PCDHGA12: variants seen among roughly 807,000 people sequenced by gnomAD.
The protein encoded by PCDHGA12 is protocadherin gamma subfamily A, 12, also known as protocadherin gamma-A12.
PCDHGA12 carries 43 observed loss-of-function variants against 61.1 expected under a neutral mutation model. The observed-to-expected ratio is 0.70, with a 90% confidence interval of 0.55 to 0.91. The LOEUF (loss-of-function observed/expected upper bound fraction) is 0.91. Among genes scored for constraint, PCDHGA12 ranks in the 40% least tolerant of loss-of-function variants. PCDHGA12 has a pLI of 0.00. For synonymous variants in PCDHGA12, 520 were observed against 542.9 expected, an observed-to-expected ratio of 0.96 and a Z score of 0.59; for missense variants, 1,236 against 1,227.7, an observed-to-expected ratio of 1.01 and a Z score of -0.10.
intron 1 of PCDHGA12, 100 bp from the exon 2 acceptor site, chr5:141,494,707 G>A: frequency 2.5e-6 from 4 of 1,599,238 alleles, no homozygotes; most frequent in Non-Finnish European, 3.4e-6. Context: ...TCTTCTCTGT[G>A]CCCACTCCCC....
In PCDHGA12 at chr5:141,432,091, C is replaced by A. The variant is rs370491149; in HGVS notation, c.1332C>A (p.Asp444Glu). ...CTCATATCTCGCTGAACGTGGCAGA[C>A]ACCAACGACAACCCGCCGGTCTTCC... ...TETHISLNVADTNDNPPVFPQ... is the reference protein window; with the variant it reads ...TETHISLNVAETNDNPPVFPQ... The change falls in exon 1 of 4, where the codon GAC becomes GAA. Residue 444 changes from aspartate (D) to glutamate (E), a missense_variant. Asp to Glu is a conservative substitution (Grantham distance 45). Coordinates refer to ENST00000252085, the MANE Select transcript of PCDHGA12 (RefSeq NM_003735.3). This position sits in a 1 kb window ranked among gnomAD's most constrained non-coding sequence, Gnocchi z 6.0. 6.2e-7 allele frequency: 1 copy of A among 1,614,056 alleles called. No individual in the cohort carries two copies. Among genetic ancestry groups the A allele is most frequent in the African/African-American group, 1.3e-5 (1 of 74,908 alleles).
chr5:141,464,911 T>G (rs2099093002), intron 1 of PCDHGA12, among the ~76,000 whole-genome samples: 1 of 151,718 alleles, frequency 6.6e-6, no homozygotes, highest in Non-Finnish European at 1.5e-5. Context: ...GCTAATTTTT[T>G]TATTTTTTTG....
At position 141,489,632 on chromosome 5, in the gene PCDHGA12, C is replaced by T; in HGVS notation, c.2425-5175C>T. 6.2e-7 allele frequency: 1 copy of T among 1,614,138 alleles called. No homozygotes were observed. Among genetic ancestry groups the T allele is most frequent in the Non-Finnish European group, 8.5e-7 (1 of 1,180,010 alleles). Reference sequence around the variant, plus strand: ...ATCCTGGATCTCAATGACAACTCTCCTAGCTTTGCCACCCCTGAGCGAGAG... The same window carrying T: ...ATCCTGGATCTCAATGACAACTCTCTTAGCTTTGCCACCCCTGAGCGAGAG... On this transcript the variant is annotated intron_variant, in intron 1 of 3. Transcript: ENST00000252085. The surrounding 1 kb of genome is among the most constrained non-coding windows in gnomAD (Gnocchi z 4.5).
At chr5:141,500,370 G>C (rs766183384) in intron 2 of PCDHGA12, among the ~76,000 whole-genome samples, 1 of 151,644 alleles carries the variant, frequency 6.6e-6, no homozygotes, top group Non-Finnish European at 1.5e-5. Flanking sequence ...TACCACGCCC[G>C]GCTAATTATT....
At chr5:141,508,718 G>T (rs2099871076) in intron 3 of PCDHGA12, among the ~76,000 whole-genome samples, 1 of 151,852 alleles carries the variant, frequency 6.6e-6, no homozygotes, top group Non-Finnish European at 1.5e-5. Flanking sequence ...TTTTCTGTGT[G>T]CAGGGAGACT....
At position 141,493,093 on chromosome 5, in the gene PCDHGA12, A is replaced by G. The variant is rs78102761; in HGVS notation, c.2425-1714A>G. On this transcript the variant is annotated intron_variant, in intron 1 of 3. Transcript: ENST00000252085. The surrounding 1 kb of genome is among the most constrained non-coding windows in gnomAD (Gnocchi z 4.3). ...CTCCAACTCCAGGAGCTTTTATTCA[A>G]AATATATCAATGCCTAACTCTGCTC... 0.034 allele frequency among the ~76,000 whole-genome samples: 5,198 copies of G among 152,282 alleles called. 159 individuals carry two copies. Among genetic ancestry groups the G allele is most frequent in the African/African-American group, 0.079 (3,275 of 41,546 alleles).
In PCDHGA12 at chr5:141,505,352, C is replaced by T. The variant is rs371829394; in HGVS notation, c.2484-41C>T. 1.5e-5 allele frequency: 25 copies of T among 1,613,302 alleles called. No individual in the cohort carries two copies. In the South Asian group the frequency reaches 2.7e-4, roughly 18 times the overall value. ...AGGACAGGAGGGGCATGAGCTGTGCCGGCCTGGGAGTCTGTGCTCACCATC... is the reference window on the plus strand; with the variant it reads ...AGGACAGGAGGGGCATGAGCTGTGCTGGCCTGGGAGTCTGTGCTCACCATC... On this transcript the variant is annotated intron_variant, in intron 2 of 3. Transcript: ENST00000252085.
chr5:141,511,182 C>A lies in PCDHGA12; in HGVS notation c.*9C>A. ...AGAAGGAGAAGAAGTAACATGGAGG[C>A]CAGGCCAAGAGCCACAGGGCGGCCT... is the stretch of plus-strand genomic sequence containing the variant. On this transcript the variant is annotated 3_prime_UTR_variant, in exon 4 of 4. Transcript: ENST00000252085. 6.2e-7 allele frequency: 1 copy of A among 1,614,022 alleles called. No homozygotes were observed. Among genetic ancestry groups the A allele is most frequent in the Non-Finnish European group, 8.5e-7 (1 of 1,179,946 alleles).
intron 1 of PCDHGA12, among the ~76,000 whole-genome samples, chr5:141,471,046 CTTTT>C (rs1170588345): frequency 5.3e-5 from 6 of 113,264 alleles, no homozygotes; most frequent in Admixed American, 9.3e-5. Context: ...CCCAAGCCCT[CTTTT>C]TTTTTTTTTT....
intron 1 of PCDHGA12, among the ~76,000 whole-genome samples, chr5:141,445,264 G>A (rs566395616): frequency 1.4e-4 from 22 of 152,276 alleles, no homozygotes; most frequent in Admixed American, 1.4e-3. Flanking sequence ...AATATAAGTC[G>A]AAACCACTCT....
intron 1 of PCDHGA12, among the ~76,000 whole-genome samples, chr5:141,465,687 T>C (rs1290838979): frequency 1.3e-5 from 2 of 152,248 alleles, no homozygotes; most frequent in Non-Finnish European, 2.9e-5. Flanking sequence ...TTGACCAGTC[T>C]GCTTTTGCAT....
Position 141,511,208 on chromosome 5 carries a change from C to T in PCDHGA12, c.*35C>T, listed in dbSNP as rs1278180818. 27 of 1,610,922 alleles carry T rather than the reference C, an allele frequency of 1.7e-5. No individual in the cohort carries two copies. Among genetic ancestry groups the T allele is most frequent in the Non-Finnish European group, 2.3e-5 (27 of 1,178,572 alleles). ...CAGGCCAAGAGCCACAGGGCGGCCT[C>T]TCCCCAACCAGCCCAGCTTCTCCTT... On this transcript the variant is annotated 3_prime_UTR_variant, in exon 4 of 4. Coordinates refer to ENST00000252085, the MANE Select transcript of PCDHGA12 (RefSeq NM_003735.3).
intron 2 of PCDHGA12, among the ~76,000 whole-genome samples, chr5:141,501,306 C>T (rs1016823458): frequency 5.3e-5 from 8 of 151,412 alleles, no homozygotes; most frequent in Non-Finnish European, 8.8e-5. Context: ...CACACACACA[C>T]ACACACACAC....
Position 141,476,013 on chromosome 5 carries a change from G to A in PCDHGA12, c.2425-18794G>A. ...AAATCAACGGCATCCAGAAAGCCAT[G>A]TCGGACTCGGCGCCCAGCGCCCAAG... On this transcript the variant is annotated intron_variant, in intron 1 of 3. Coordinates refer to ENST00000252085, the MANE Select transcript of PCDHGA12 (RefSeq NM_003735.3). The surrounding 1 kb of genome is among the most constrained non-coding windows in gnomAD (Gnocchi z 7.6). The A allele has an allele frequency of 7.5e-7, 1 of 1,334,720 alleles. No individual in the cohort carries two copies. The highest frequency in any genetic ancestry group is 1.0e-6 in the Non-Finnish European group (1 of 983,502). 82.7% of individuals were successfully genotyped at this position (1,334,720 alleles called of 1,614,324 possible). A position where few individuals can be genotyped will look rare whatever the true frequency, so the allele number is the denominator to read the frequency against.
At chr5:141,478,598 A>C in intron 1 of PCDHGA12, 1 of 1,566,350 alleles carries the variant, frequency 6.4e-7, no homozygotes, top group South Asian at 1.2e-5. Flanking sequence ...TTATTCCTAC[A>C]TCATATTGAG....
chr5:141,473,053 TACA>T (rs1452453123), intron 1 of PCDHGA12, among the ~76,000 whole-genome samples: 1 of 150,200 alleles, frequency 6.7e-6, no homozygotes, highest in Non-Finnish European at 1.5e-5. Flanking sequence ...AAAGAAGTGA[TACA>T]ACAAGTTACA....
At chr5:141,492,778 G>A (rs2099743821) in intron 1 of PCDHGA12, among the ~76,000 whole-genome samples, 1 of 152,250 alleles carries the variant, frequency 6.6e-6, no homozygotes, top group South Asian at 2.1e-4. Context: ...GAGTGAGTGA[G>A]CCTCTATAGG....
chr5:141,491,034 T>A lies in PCDHGA12; in HGVS notation c.2425-3773T>A. On this transcript the variant is annotated intron_variant, in intron 1 of 3. Coordinates refer to ENST00000252085, the MANE Select transcript of PCDHGA12 (RefSeq NM_003735.3). This position sits in a 1 kb window ranked among gnomAD's most constrained non-coding sequence, Gnocchi z 6.9. ...CCAAGGTGACAGCCGTGGATGCTGA[T>A]GCAGGCCACAATGCGTGGCTCTCCT... 1 of 1,614,170 alleles carries A rather than the reference T, an allele frequency of 6.2e-7. No individual in the cohort carries two copies. Among genetic ancestry groups the A allele is most frequent in the African/African-American group, 1.3e-5 (1 of 75,074 alleles).
chr5:141,487,181 C>T lies in PCDHGA12; in HGVS notation c.2425-7626C>T. 3 of 1,612,732 alleles carry T rather than the reference C, an allele frequency of 1.9e-6. No individual in the cohort carries two copies. The highest frequency in any genetic ancestry group is 1.1e-5 in the South Asian group (1 of 91,060). ...CTTAGTGTCCTTAGAGGAAGACACT[C>T]ATCCAGTTGTCCCAGATCTTCGAGA... On this transcript the variant is annotated intron_variant, in intron 1 of 3. Transcript: ENST00000252085. This position sits in a 1 kb window ranked among gnomAD's most constrained non-coding sequence, Gnocchi z 5.0.
Sources: gnomAD v4.1 joint callset for allele counts (sites outside exome capture counted in the v4.1 genomes callset) on GRCh38, gnomAD v4.1.1 for gene constraint, Gnocchi (gnomAD v3.1) non-coding constraint, MANE v1.5 for transcripts, NCBI Gene and HGNC (gene_info 2026-07-23, HGNC 2026-07-21) for gene names.